FAM162B: variants seen among roughly 807,000 people sequenced by gnomAD.
The protein encoded by FAM162B is family with sequence similarity 162 member B.
Under a neutral mutation model 20.0 loss-of-function variants are expected in FAM162B, and 16 were observed. The ratio of observed to expected loss-of-function variants is 0.80; its 90% CI spans 0.54 to 1.21. FAM162B has a LOEUF of 1.21. FAM162B is among the 50% of genes most tolerant of loss of function. FAM162B has a pLI of 0.00. For missense variants in FAM162B, 260 were observed against 227.5 expected (o/e 1.14, Z -0.92); for synonymous variants, 83 against 89.7 (o/e 0.93, Z 0.42).
intron 2 of FAM162B, among the ~76,000 whole-genome samples, chr6:116,762,683 G>A (rs561636700): frequency 6.6e-6 from 1 of 151,974 alleles, no homozygotes; most frequent in Admixed American, 6.5e-5. Context: ...ATTTGCCGAG[G>A]AAAAAGATAA....
intron 3 of FAM162B, among the ~76,000 whole-genome samples, chr6:116,754,244 A>G (rs1364790361): frequency 6.6e-6 from 1 of 152,152 alleles, no homozygotes; most frequent in East Asian, 1.9e-4. Flanking sequence ...TTCTCAACCT[A>G]GACATAGTTT....
At chr6:116,764,577 C>A (rs1257633225) in intron 2 of FAM162B, among the ~76,000 whole-genome samples, 1 of 152,042 alleles carries the variant, frequency 6.6e-6, no homozygotes, top group Non-Finnish European at 1.5e-5. Context: ...CTGACACTCC[C>A]GCGCGTCCCA....
chr6:116,762,365 T>C (rs570857662), intron 2 of FAM162B, among the ~76,000 whole-genome samples: 4 of 152,328 alleles, frequency 2.6e-5, no homozygotes, highest in Non-Finnish European at 5.9e-5. Flanking sequence ...CTAGAGATGC[T>C]AACTTGACTC....
In FAM162B at chr6:116,765,662, CT is replaced by C; in HGVS notation, c.-87del. The C allele has an allele frequency of 8.1e-7, 1 of 1,236,680 alleles. No individual in the cohort carries two copies. Among genetic ancestry groups the C allele is most frequent in the East Asian group, 3.2e-5 (1 of 31,596 alleles). The allele number at this position is 1,236,680 out of a possible 1,614,324, so 76.6% of individuals were successfully genotyped here. ...GCAGCTCTCCTCGTCCCGCCCCGGC[CT>C]GCCGCGCGCTGGAGAGCCTGGGACG... On this transcript the variant is annotated 5_prime_UTR_variant, in exon 1 of 4. Coordinates refer to ENST00000368557, the MANE Select transcript of FAM162B (RefSeq NM_001085480.3).
intron 3 of FAM162B, among the ~76,000 whole-genome samples, chr6:116,759,296 TTTC>T (rs1780092759): frequency 4.8e-5 from 7 of 145,268 alleles, no homozygotes; most frequent in Middle Eastern, 3.5e-3. Flanking sequence ...CTAATCTTTC[TTTC>T]TTTTTTTTTT....
chr6:116,765,451 G>A lies in FAM162B; in HGVS notation c.126C>T (p.Cys42=). The stretch of plus-strand genomic sequence containing the variant: ...TGCTGGGGGCCCCGCCGCTGGAGTA[G>A]CAGGGGAGACCCCGGGGCGGAAGAG... ...APALPPRGLP[C]YSSGGAPSNS... The change falls in exon 1 of 4, where the codon TGC becomes TGT. Residue 42 remains cysteine, a synonymous_variant. Transcript: ENST00000368557. 6.9e-7 allele frequency: 1 copy of A among 1,443,654 alleles called. No homozygotes were observed. Among genetic ancestry groups the A allele is most frequent in the Non-Finnish European group, 9.1e-7 (1 of 1,099,046 alleles). 89.4% of individuals were successfully genotyped at this position (1,443,654 alleles called of 1,614,324 possible).
chr6:116,760,530 A>T (rs554434499), intron 3 of FAM162B, among the ~76,000 whole-genome samples: 2 of 152,154 alleles, frequency 1.3e-5, no homozygotes, highest in African/African-American at 4.8e-5. Context: ...TTAGAGGGTG[A>T]TTCTAAGTAA....
chr6:116,756,456 A>G (rs73557594), intron 3 of FAM162B, among the ~76,000 whole-genome samples: 9,505 of 152,294 alleles, frequency 0.062, 390 homozygotes, highest in African/African-American at 0.12. Flanking sequence ...CTTGAGATGG[A>G]AACTACTGCT....
chr6:116,756,008 G>C (rs1341206181), intron 3 of FAM162B, among the ~76,000 whole-genome samples: 1 of 152,124 alleles, frequency 6.6e-6, no homozygotes, highest in Non-Finnish European at 1.5e-5. Context: ...ATATTTTCAT[G>C]ACTGCTAACA....
chr6:116,765,078 A>C (rs1195215995), intron 2 of FAM162B, 69 bp downstream of exon 2: 8 of 1,501,756 alleles, frequency 5.3e-6, no homozygotes, highest in Middle Eastern at 3.4e-4. Context: ...CCGCGGTCGG[A>C]AGGTGGGTCA....
At chr6:116,755,811 C>T (rs1410221649) in intron 3 of FAM162B, among the ~76,000 whole-genome samples, 3 of 152,102 alleles carry the variant, frequency 2.0e-5, no homozygotes, top group African/African-American at 7.2e-5. Flanking sequence ...ATCTACTCTG[C>T]CTGTGCCACG....
intron 3 of FAM162B, among the ~76,000 whole-genome samples, chr6:116,760,979 A>G (rs1481719381): frequency 1.3e-5 from 2 of 152,168 alleles, no homozygotes; most frequent in African/African-American, 4.8e-5. Context: ...ATACGTATGC[A>G]CTATTGAAAC....
chr6:116,762,194 ACTGC>A, intron 2 of FAM162B, 109 bp from the exon 3 acceptor site: 18 of 814,868 alleles, frequency 2.2e-5, no homozygotes, highest in Non-Finnish European at 3.2e-5. Flanking sequence ...CTGAATGCAA[ACTGC>A]ATTTGGTGAC....
chr6:116,754,374 C>A (rs557117977), intron 3 of FAM162B, among the ~76,000 whole-genome samples: 1 of 152,208 alleles, frequency 6.6e-6, no homozygotes, highest in African/African-American at 2.4e-5. Flanking sequence ...CAACTGCTTC[C>A]CCAAAATGTA....
intron 3 of FAM162B, 34 bp from the exon 4 acceptor site, chr6:116,752,729 TA>T: frequency 1.7e-6 from 1 of 576,848 alleles, no homozygotes; most frequent in South Asian, 4.0e-5. Flanking sequence ...TATATATATA[TA>T]TATAGATACA....
intron 2 of FAM162B, 115 bp downstream of exon 2, chr6:116,765,032 A>T: frequency 1.2e-6 from 1 of 867,348 alleles, no homozygotes; most frequent in East Asian, 2.5e-5. Context: ...GATATTGCGA[A>T]GTGTTGGCAC....
intron 3 of FAM162B, among the ~76,000 whole-genome samples, chr6:116,753,699 G>A (rs1323623393): frequency 6.6e-6 from 1 of 152,184 alleles, no homozygotes; most frequent in Non-Finnish European, 1.5e-5. Flanking sequence ...GAAGACATTA[G>A]CTGAAATATA....
intron 3 of FAM162B, among the ~76,000 whole-genome samples, chr6:116,758,245 TTC>T (rs548618619): frequency 2.4e-4 from 37 of 152,252 alleles, no homozygotes; most frequent in Admixed American, 1.8e-3. Flanking sequence ...GCTGCTACAA[TTC>T]TCTCAGTGAG....
At position 116,759,026 on chromosome 6, in the gene FAM162B, C is replaced by T. The variant is rs1483586849; in HGVS notation, c.390+2951G>A. 4.6e-5 allele frequency among the ~76,000 whole-genome samples: 7 copies of T among 152,120 alleles called. No homozygotes were observed. In the South Asian group the frequency reaches 1.2e-3, roughly 27 times the overall value. ...CTTATTTTTCTATATAAATTTTAGACTTAGTTTGTCTACTTCCAAAACAAA... is the reference window on the plus strand; with the variant it reads ...CTTATTTTTCTATATAAATTTTAGATTTAGTTTGTCTACTTCCAAAACAAA... On this transcript the variant is annotated intron_variant, in intron 3 of 3. Transcript: ENST00000368557.
Sources: allele counts gnomAD v4.1 joint callset (sites outside exome capture counted in the v4.1 genomes callset), GRCh38; gene constraint gnomAD v4.1.1; transcripts MANE v1.5; gene names NCBI Gene and HGNC (gene_info 2026-07-23, HGNC 2026-07-21).